Variants in GAS7 observed in about 807,000 individuals in gnomAD.
GAS7 encodes growth arrest-specific protein 7.
A neutral mutation model predicts 71.1 loss-of-function variants in GAS7; 28 were observed. That is an observed-to-expected ratio of 0.39 (90% CI 0.29 to 0.54). GAS7 has a LOEUF of 0.54. Among genes scored for constraint, GAS7 ranks in the 20% least tolerant of loss-of-function variants. The pLI is 0.62. For synonymous variants in GAS7, 258 were observed against 245.8 expected (o/e 1.05, Z -0.46); for missense variants, 436 against 627.8 (o/e 0.69, Z 3.27).
chr17:9,986,988 C>A (rs896145642), intron 2 of GAS7, among the ~76,000 whole-genome samples: 1 of 152,194 alleles, frequency 6.6e-6, no homozygotes, highest in African/African-American at 2.4e-5. Flanking sequence ...ACCATACTAC[C>A]CACAGGGAGG....
intron 1 of GAS7, among the ~76,000 whole-genome samples, chr17:10,121,249 C>A (rs371961882): frequency 6.6e-6 from 1 of 152,132 alleles, no homozygotes; most frequent in South Asian, 2.1e-4. Flanking sequence ...GACGTGGTGG[C>A]ATGCACCTGT....
At chr17:10,065,229 G>T (rs2073268816) in intron 1 of GAS7, among the ~76,000 whole-genome samples, 2 of 152,226 alleles carry the variant, frequency 1.3e-5, no homozygotes, top group Admixed American at 1.3e-4. Flanking sequence ...AGAATTTAGA[G>T]ATTTGGTTCC....
intron 1 of GAS7, among the ~76,000 whole-genome samples, chr17:10,140,461 A>C (rs992168044): frequency 3.3e-5 from 5 of 152,164 alleles, no homozygotes; most frequent in Non-Finnish European, 5.9e-5. Flanking sequence ...CCTGTCTCAA[A>C]AATAAGTCAA....
chr17:9,925,639 G>A (rs777870216), intron 10 of GAS7, 40 bp from the exon 11 acceptor site: 6 of 1,612,266 alleles, frequency 3.7e-6, no homozygotes, highest in Non-Finnish European at 4.2e-6. Context: ...CATACAGCTC[G>A]GAGCCAGTGG....
chr17:10,185,218 C>T lies in GAS7; in HGVS notation c.183+12990G>A, dbSNP rs984392539. On this transcript the variant is annotated intron_variant, in intron 1 of 13. Coordinates refer to ENST00000432992, the MANE Select transcript of GAS7 (RefSeq NM_201433.2). The stretch of plus-strand genomic sequence containing the variant: ...GAGATTACAGGCATGAGCCACCCTG[C>T]CCAGCCTATAAAAACTCTTGAACAA... Among the ~76,000 whole-genome samples, 7 of 152,184 alleles carry T rather than the reference C, an allele frequency of 4.6e-5. No homozygotes were observed. In the South Asian group the frequency reaches 1.4e-3, roughly 32 times the overall value.
chr17:10,194,327 A>G (rs999191875), intron 1 of GAS7, among the ~76,000 whole-genome samples: 2 of 152,214 alleles, frequency 1.3e-5, no homozygotes, highest in Non-Finnish European at 2.9e-5. Flanking sequence ...AACATTCCCC[A>G]GGTCCCTAAT....
chr17:9,928,561 A>T (rs147374673), intron 9 of GAS7, among the ~76,000 whole-genome samples: 30 of 152,052 alleles, frequency 2.0e-4, no homozygotes, highest in African/African-American at 6.8e-4. Flanking sequence ...ACCACCGCAA[A>T]TCTGCCTCCA....
intron 1 of GAS7, among the ~76,000 whole-genome samples, chr17:10,023,382 G>A (rs1346758014): frequency 6.6e-6 from 1 of 152,132 alleles, no homozygotes; most frequent in Non-Finnish European, 1.5e-5. Flanking sequence ...GACAAAAATT[G>A]GTACATGGAT....
chr17:10,186,402 C>CT lies in GAS7; in HGVS notation c.183+11805dup, dbSNP rs71139025. ...AAGCCAGGCCCCACGTATTCAAAGG[C>CT]TTTTTTTTTTTTTTTTGAGACCTAG... On this transcript the variant is annotated intron_variant, in intron 1 of 13. Coordinates refer to ENST00000432992, the MANE Select transcript of GAS7 (RefSeq NM_201433.2). Among the ~76,000 whole-genome samples the CT allele has an allele frequency of 5.0e-3, 645 of 128,072 alleles. 7 individuals carry two copies. Among genetic ancestry groups the CT allele is most frequent in the African/African-American group, 0.015 (502 of 33,386 alleles). 84.0% of individuals were successfully genotyped at this position (128,072 alleles called of 152,430 possible).
chr17:10,051,755 G>T (rs2073065361), intron 1 of GAS7, among the ~76,000 whole-genome samples: 1 of 152,092 alleles, frequency 6.6e-6, no homozygotes, highest in Admixed American at 6.5e-5. Context: ...TTTGAACATG[G>T]GCAAGGGCAC....
chr17:10,056,741 C>T (rs985927620), intron 1 of GAS7, among the ~76,000 whole-genome samples: 1 of 151,868 alleles, frequency 6.6e-6, no homozygotes, highest in African/African-American at 2.4e-5. Flanking sequence ...CTCCCTCTCC[C>T]GTCTCCCTCC....
intron 1 of GAS7, among the ~76,000 whole-genome samples, chr17:10,089,534 G>T (rs1418890878): frequency 6.7e-6 from 1 of 148,282 alleles, no homozygotes; most frequent in Non-Finnish European, 1.5e-5. Context: ...AAAAAAAAAA[G>T]TATTTAAAGA....
At chr17:10,075,065 T>A (rs542148264) in intron 1 of GAS7, among the ~76,000 whole-genome samples, 7 of 152,126 alleles carry the variant, frequency 4.6e-5, no homozygotes, top group Non-Finnish European at 1.0e-4. Context: ...TTATAACTAT[T>A]GAAAATTAAG....
At chr17:9,982,824 G>GGAAAGAAAGAAAGAAAGAAAGAAA (rs56351503) in intron 2 of GAS7, among the ~76,000 whole-genome samples, 40 of 116,252 alleles carry the variant, frequency 3.4e-4, no homozygotes, top group African/African-American at 7.2e-4. Context: ...AGGAAAGAAA[G>GGAAAGAAAGAAAGAAAGAAAGAAA]GAAAGAAAGA....
rs539170184 is a variant in GAS7 at position 10,043,113 on chromosome 17, T to C, written c.184-23216A>G. On this transcript the variant is annotated intron_variant, in intron 1 of 13. Coordinates refer to ENST00000432992, the MANE Select transcript of GAS7 (RefSeq NM_201433.2). ...GAAAGAAAGGACCTTGAGCTGAACC[T>C]TGGGGCATGCTCTTGCTTAAGCAGT... Among the ~76,000 whole-genome samples the C allele has an allele frequency of 1.8e-4, 27 of 152,262 alleles. No homozygotes were observed. In the South Asian group the frequency reaches 4.6e-3, roughly 26 times the overall value.
rs144965877 is a variant in GAS7 at position 10,171,435 on chromosome 17, G to A, written c.183+26773C>T. Among the ~76,000 whole-genome samples, 92 of 152,286 alleles carry A rather than the reference G, an allele frequency of 6.0e-4. No individual in the cohort carries two copies. In the East Asian group the frequency reaches 0.017, roughly 28 times the overall value. On this transcript the variant is annotated intron_variant, in intron 1 of 13. Transcript: ENST00000432992. Reference sequence around the variant, plus strand: ...AAATGAGGAACACATCAATTTAGCAGGAAATCGGCTTCCCTTGAAGCGTCT... The same window carrying A: ...AAATGAGGAACACATCAATTTAGCAAGAAATCGGCTTCCCTTGAAGCGTCT...
At chr17:10,193,328 C>A (rs371817013) in intron 1 of GAS7, among the ~76,000 whole-genome samples, 1 of 150,456 alleles carries the variant, frequency 6.6e-6, no homozygotes. Context: ...CTGCATTTTA[C>A]CTCCCTCTTG....
chr17:9,997,544 T>C (rs1374979815), intron 2 of GAS7, among the ~76,000 whole-genome samples: 2 of 152,196 alleles, frequency 1.3e-5, no homozygotes, highest in African/African-American at 2.4e-5. Context: ...TTCCCCGCCA[T>C]ACTAGCCAGC....
chr17:10,146,524 T>C (rs7208708), intron 1 of GAS7, among the ~76,000 whole-genome samples: 40,155 of 152,038 alleles, frequency 0.26, 6,104 homozygotes, highest in East Asian at 0.52. Context: ...AGTACAGTTG[T>C]TCAAGCCCCA....
Sources: gnomAD v4.1 joint callset for allele counts (sites outside exome capture counted in the v4.1 genomes callset) on GRCh38, gnomAD v4.1.1 for gene constraint, MANE v1.5 for transcripts, NCBI Gene and HGNC (gene_info 2026-07-23, HGNC 2026-07-21) for gene names.